LAMA2: variants seen among roughly 807,000 people sequenced by gnomAD.
The protein encoded by LAMA2 is laminin subunit alpha-2.
LAMA2 carries 269 observed loss-of-function variants against 364.8 expected under a neutral mutation model. The ratio of observed to expected loss-of-function variants is 0.74; its 90% CI spans 0.67 to 0.82. LAMA2 has a LOEUF of 0.82. Among genes scored for constraint, LAMA2 ranks in the 40% least tolerant of loss-of-function variants. The probability of loss-of-function intolerance (pLI) is 0.00; values close to 1 mark genes in which losing one functional copy is unlikely to be tolerated. For missense variants in LAMA2, 3,807 were observed against 3,873.2 expected, an observed-to-expected ratio of 0.98 and a Z score of 0.45; for synonymous variants, 1,379 against 1,370.6, an observed-to-expected ratio of 1.01 and a Z score of -0.14.
chr6:128,907,366 G>A (rs1290868434), intron 1 of LAMA2, among the ~76,000 whole-genome samples: 5 of 149,182 alleles, frequency 3.4e-5, no homozygotes, highest in Admixed American at 1.3e-4. Context: ...CTTGTAAGTT[G>A]GATTCCTAGG....
intron 1 of LAMA2, among the ~76,000 whole-genome samples, chr6:128,916,735 T>C (rs1351508070): frequency 2.0e-5 from 3 of 152,232 alleles, no homozygotes; most frequent in Non-Finnish European, 4.4e-5. Flanking sequence ...CAGCAGTGGC[T>C]GTGAGGTTAG....
chr6:129,488,266 C>T (rs757829100), intron 56 of LAMA2, among the ~76,000 whole-genome samples: 4 of 152,112 alleles, frequency 2.6e-5, no homozygotes, highest in Non-Finnish European at 4.4e-5. Flanking sequence ...GCCGAGATCG[C>T]ACCACTGCAC....
intron 1 of LAMA2, 91 bp from the exon 2 acceptor site, chr6:129,049,827 G>T (rs988413173): frequency 8.3e-7 from 1 of 1,203,566 alleles, no homozygotes; most frequent in Non-Finnish European, 1.2e-6. Flanking sequence ...TTAATGCTCC[G>T]AAAAATATTT....
intron 9 of LAMA2, among the ~76,000 whole-genome samples, chr6:129,174,983 C>G (rs988037339): frequency 6.6e-6 from 1 of 152,158 alleles, no homozygotes; most frequent in Non-Finnish European, 1.5e-5. Flanking sequence ...ACATGAAGTA[C>G]TTCTACATTT....
At chr6:128,983,271 C>T (rs1248807896) in intron 1 of LAMA2, among the ~76,000 whole-genome samples, 1 of 151,852 alleles carries the variant, frequency 6.6e-6, no homozygotes, top group Non-Finnish European at 1.5e-5. Flanking sequence ...CTCTCCAGCC[C>T]CTGTTGTTTC....
chr6:128,984,789 A>G (rs373189798), intron 1 of LAMA2, among the ~76,000 whole-genome samples: 4 of 152,086 alleles, frequency 2.6e-5, no homozygotes, highest in African/African-American at 9.7e-5. Context: ...CTCCGTCCTC[A>G]GTTTTCCTGA....
chr6:129,061,821 G>A (rs1788941733), intron 3 of LAMA2, among the ~76,000 whole-genome samples: 1 of 152,196 alleles, frequency 6.6e-6, no homozygotes. Context: ...AGTGGAATTG[G>A]TACAGAGCAT....
chr6:129,456,444 G>T lies in LAMA2; in HGVS notation c.6817G>T (p.Val2273Leu), dbSNP rs1440109028. Residue 2273 changes from valine to leucine, a missense_variant, in exon 48 of 65, where the codon GTG becomes TTG. Physicochemically the swap from Val to Leu is conservative, Grantham distance 32. Around this residue, in one of 3 missense-constraint regions of LAMA2, gnomAD observed 3,333 missense variants for 3,345.7 expected, o/e 1.00. Transcript: ENST00000421865. ...TCCTCCAGGGTACACGATTCTAGAT[G>T]TGGATGCAAATGCAATGCTGTTTGT... is the stretch of plus-strand genomic sequence containing the variant. Reference protein sequence around the residue: ...TSPPGYTILDVDANAMLFVGG... With the variant: ...TSPPGYTILDLDANAMLFVGG... The T allele has an allele frequency of 6.2e-7, 1 of 1,613,590 alleles. No homozygotes were observed. The highest frequency in any genetic ancestry group is 1.3e-5 in the African/African-American group (1 of 74,992).
intron 29 of LAMA2, among the ~76,000 whole-genome samples, chr6:129,342,070 TAGAG>T (rs1395867525): frequency 1.3e-5 from 2 of 152,212 alleles, no homozygotes. Context: ...AAAATTTACA[TAGAG>T]ATTGATTCAG....
intron 3 of LAMA2, among the ~76,000 whole-genome samples, chr6:129,081,586 T>C (rs1774061062): frequency 6.6e-6 from 1 of 152,170 alleles, no homozygotes; most frequent in Middle Eastern, 3.2e-3. Context: ...TGCAATAGGT[T>C]AAACACTGTG....
At chr6:129,304,263 G>GT (rs1234889448) in intron 22 of LAMA2, among the ~76,000 whole-genome samples, 1 of 151,758 alleles carries the variant, frequency 6.6e-6, no homozygotes, top group African/African-American at 2.4e-5. Context: ...AAGTTTTTTT[G>GT]TTTTTTGTTT....
intron 1 of LAMA2, among the ~76,000 whole-genome samples, chr6:129,029,147 A>G (rs935272180): frequency 6.6e-6 from 1 of 152,000 alleles, no homozygotes; most frequent in African/African-American, 2.4e-5. Context: ...GAAAACTGAT[A>G]AGCAATTTTT....
intron 4 of LAMA2, among the ~76,000 whole-genome samples, chr6:129,099,871 A>G (rs550688684): frequency 1.5e-4 from 23 of 152,362 alleles, no homozygotes; most frequent in African/African-American, 5.0e-4. Context: ...CAGTGAGTCA[A>G]ACAGCTGTTC....
chr6:129,188,497 C>T (rs1020692982), intron 10 of LAMA2, among the ~76,000 whole-genome samples: 4 of 151,890 alleles, frequency 2.6e-5, no homozygotes, highest in African/African-American at 9.7e-5. Flanking sequence ...ACTGTGTCCT[C>T]AACGGGATAA....
At chr6:129,486,142 G>C (rs1442106091) in intron 55 of LAMA2, among the ~76,000 whole-genome samples, 4 of 152,198 alleles carry the variant, frequency 2.6e-5, no homozygotes, top group Non-Finnish European at 5.9e-5. Flanking sequence ...GAATATAAGG[G>C]AGAGGGATTT....
At chr6:129,169,356 G>T (rs1779982643) in intron 9 of LAMA2, among the ~76,000 whole-genome samples, 1 of 149,536 alleles carries the variant, frequency 6.7e-6, no homozygotes, top group Non-Finnish European at 1.5e-5. Context: ...AATTTATTGA[G>T]AGTTTTTAGC....
At chr6:129,501,296 G>A (rs1280834178) in intron 58 of LAMA2, among the ~76,000 whole-genome samples, 3 of 152,170 alleles carry the variant, frequency 2.0e-5, no homozygotes, top group East Asian at 3.8e-4. Context: ...TCAGCTGTGC[G>A]AATGAATAGC....
chr6:129,516,096 T>TTTAATCTCAAGCTAACAG, intron 64 of LAMA2, 94 bp from the exon 65 acceptor site: 2 of 1,369,524 alleles, frequency 1.5e-6, no homozygotes, highest in Non-Finnish European at 1.0e-6. Context: ...AGCATTCCAA[T>TTTAATCTCAAGCTAACAG]TTAATCTCAA....
At chr6:129,318,799 A>G (rs961420718) in intron 27 of LAMA2, among the ~76,000 whole-genome samples, 1 of 152,240 alleles carries the variant, frequency 6.6e-6, no homozygotes, top group African/African-American at 2.4e-5. Flanking sequence ...TTCAGTTTCA[A>G]TAAAACCTAC....
Sources: allele counts gnomAD v4.1 joint callset (sites outside exome capture counted in the v4.1 genomes callset), GRCh38; gene constraint gnomAD v4.1.1; regional missense constraint gnomAD v4.1.1; transcripts MANE v1.5; gene names NCBI Gene and HGNC (gene_info 2026-07-23, HGNC 2026-07-21).